OTOP1: variants seen among roughly 807,000 people sequenced by gnomAD.
OTOP1 encodes the protein otopetrin 1, also known as proton channel OTOP1.
In OTOP1, 59 loss-of-function variants were observed where a neutral mutation model predicts 52.9. The ratio of observed to expected loss-of-function variants is 1.12; its 90% CI spans 0.91 to 1.39. The LOEUF (loss-of-function observed/expected upper bound fraction) is 1.39, where lower values mean the gene tolerates loss of function less well. Among genes scored for constraint, OTOP1 ranks in the 40% most tolerant of loss-of-function variants. OTOP1 has a pLI of 0.00. For missense variants in OTOP1, 761 were observed against 800.9 expected, an observed-to-expected ratio of 0.95 and a Z score of 0.60; for synonymous variants, 317 against 337.7, an observed-to-expected ratio of 0.94 and a Z score of 0.67.
intron 3 of OTOP1, among the ~76,000 whole-genome samples, chr4:4,203,706 T>C (rs941859459): frequency 1.3e-5 from 2 of 152,238 alleles, no homozygotes; most frequent in African/African-American, 4.8e-5. Flanking sequence ...CTTAGCAATG[T>C]GCCTCACAGG....
chr4:4,209,090 A>G (rs1278117421), intron 2 of OTOP1, among the ~76,000 whole-genome samples: 1 of 152,186 alleles, frequency 6.6e-6, no homozygotes, highest in Non-Finnish European at 1.5e-5. Context: ...ATGTCTAGTA[A>G]TGTCTAGCCT....
At chr4:4,212,711 T>A (rs970057425) in intron 2 of OTOP1, among the ~76,000 whole-genome samples, 157 bp downstream of exon 2, 2 of 152,222 alleles carry the variant, frequency 1.3e-5, no homozygotes, top group Non-Finnish European at 2.9e-5. Context: ...TGGAGGCAGC[T>A]GAAGAACTAA....
At chr4:4,195,122 G>A (rs1353983571) in intron 5 of OTOP1, among the ~76,000 whole-genome samples, 3 of 152,082 alleles carry the variant, frequency 2.0e-5, no homozygotes, top group Non-Finnish European at 4.4e-5. Context: ...CTCTAGCCAG[G>A]CCTAGGAAGC....
At chr4:4,201,461 T>TACAC (rs1167229533) in intron 4 of OTOP1, among the ~76,000 whole-genome samples, 5 of 132,782 alleles carry the variant, frequency 3.8e-5, no homozygotes, top group African/African-American at 1.6e-4. Flanking sequence ...AATAAATAAA[T>TACAC]ATATATATAT....
intron 1 of OTOP1, among the ~76,000 whole-genome samples, chr4:4,222,197 C>A (rs995175764): frequency 2.6e-5 from 4 of 152,052 alleles, no homozygotes; most frequent in Non-Finnish European, 5.9e-5. Context: ...CTGAATAATA[C>A]AATCTCCTGC....
At position 4,210,558 on chromosome 4, in the gene OTOP1, C is replaced by T. The variant is rs188225064; in HGVS notation, c.540+2310G>A. Among the ~76,000 whole-genome samples the T allele has an allele frequency of 6.4e-3, 970 of 152,246 alleles. 8 individuals are homozygous for T. Among genetic ancestry groups the T allele is most frequent in the African/African-American group, 0.022 (926 of 41,528 alleles). ...CTTATAAAGACACCAGGGCCAGACG[C>T]GGTGCCTCAGGCCTGTAATCCCAAT... On this transcript the variant is annotated intron_variant, in intron 2 of 5. Coordinates refer to ENST00000296358, the MANE Select transcript of OTOP1 (RefSeq NM_177998.3).
chr4:4,192,980 C>A (rs2980115), intron 5 of OTOP1, among the ~76,000 whole-genome samples: 1 of 151,994 alleles, frequency 6.6e-6, no homozygotes, highest in African/African-American at 2.4e-5. Flanking sequence ...ACAATGTGAA[C>A]GTACTTTACT....
rs140857732 is a variant in OTOP1 at position 4,197,603 on chromosome 4, C to T, written c.1231G>A (p.Ala411Thr). The T allele has an allele frequency of 3.1e-6, 5 of 1,613,734 alleles. No individual in the cohort carries two copies. In the African/African-American group the frequency reaches 4.0e-5, roughly 13 times the overall value. The change falls in exon 5 of 6, where the codon GCC becomes ACC. Residue 411 changes from alanine to threonine, a missense_variant. By Grantham distance (58) the Ala-to-Thr change is moderately conservative. Transcript: ENST00000296358. ...GGGTGGCCCTCAGCACAGAGGATGGCCAAGATTGAGCCCCAGGAGATAAGC... is the reference window on the plus strand; with the variant it reads ...GGGTGGCCCTCAGCACAGAGGATGGTCAAGATTGAGCCCCAGGAGATAAGC... ...SWLISWGSILAILCAEGHPRY... is the reference protein window; with the variant it reads ...SWLISWGSILTILCAEGHPRY...
chr4:4,199,233 T>TGAGAGAGAGAGAGAGAGA (rs71600542), intron 4 of OTOP1, among the ~76,000 whole-genome samples: 2 of 98,498 alleles, frequency 2.0e-5, no homozygotes, highest in African/African-American at 4.4e-5. Context: ...TGTGTGTGTG[T>TGAGAGAGAGAGAGAGAGA]GAGAGAGAGA....
At chr4:4,219,995 G>GTATACA (rs1717253114) in intron 1 of OTOP1, among the ~76,000 whole-genome samples, 2 of 54,562 alleles carry the variant, frequency 3.7e-5, no homozygotes, top group African/African-American at 2.3e-4. Flanking sequence ...GTATATAGGT[G>GTATACA]TATATACATA....
rs112623841 is a variant in OTOP1, at chr4:4,197,221, GCGTTGC to G, written c.1607_1612del (p.Gly536_Asn537del). The G allele has an allele frequency of 0.063, 102,146 of 1,613,788 alleles. 4,437 individuals carry two copies. The highest frequency in any genetic ancestry group is 0.2 in the Admixed American group (11,951 of 60,000). On this transcript the variant is annotated inframe_deletion, in exon 5 of 6. Coordinates refer to ENST00000296358, the MANE Select transcript of OTOP1 (RefSeq NM_177998.3). Reference sequence around the variant, plus strand: ...AATATTCCTCAGGACTTTTCTCTTGGCGTTGCCCTGTAAGAAACGGGGAAGGCGGAC... The same window carrying G: ...AATATTCCTCAGGACTTTTCTCTTGGCCTGTAAGAAACGGGGAAGGCGGAC...
In OTOP1 at chr4:4,223,598, G is replaced by A. The variant is rs543248757; in HGVS notation, c.403+2864C>T. Among the ~76,000 whole-genome samples the A allele has an allele frequency of 1.1e-4, 16 of 152,160 alleles. No homozygotes were observed. The East Asian group carries it at 3.1e-3, about 29-fold the overall frequency. On this transcript the variant is annotated intron_variant, in intron 1 of 5. Coordinates refer to ENST00000296358, the MANE Select transcript of OTOP1 (RefSeq NM_177998.3). The stretch of plus-strand genomic sequence containing the variant: ...AGGAGCAGAAGGAGAAGGAGAAGGA[G>A]GAACATTCTAAATGCACCAGGCCGG...
intron 5 of OTOP1, among the ~76,000 whole-genome samples, chr4:4,191,971 C>A (rs1577173546): frequency 6.6e-6 from 1 of 152,304 alleles, no homozygotes; most frequent in Non-Finnish European, 1.5e-5. Flanking sequence ...AATGGGACCT[C>A]TTTTCTGAAA....
chr4:4,221,033 TTATTTTATTC>T (rs1411906431), intron 1 of OTOP1, among the ~76,000 whole-genome samples: 6 of 146,840 alleles, frequency 4.1e-5, no homozygotes, highest in African/African-American at 1.0e-4. Flanking sequence ...TATTTATATA[TTATTTTATTC>T]TATTTTATTT....
chr4:4,205,825 G>C (rs1440966684), intron 3 of OTOP1, among the ~76,000 whole-genome samples: 3 of 152,166 alleles, frequency 2.0e-5, no homozygotes, highest in African/African-American at 7.2e-5. Flanking sequence ...GGTCATAACA[G>C]AAAAGTGTCT....
chr4:4,200,509 A>G (rs931163670), intron 4 of OTOP1, among the ~76,000 whole-genome samples: 3 of 150,358 alleles, frequency 2.0e-5, no homozygotes, highest in African/African-American at 7.3e-5. Flanking sequence ...ACTATATCGT[A>G]GCATTAATTT....
In OTOP1 at chr4:4,188,740, C is replaced by T; in HGVS notation, c.*63G>A. On this transcript the variant is annotated 3_prime_UTR_variant, in exon 6 of 6. Coordinates refer to ENST00000296358, the MANE Select transcript of OTOP1 (RefSeq NM_177998.3). ...GTCAGGCAATATTTGCCCAACCTGG[C>T]CACTCCTAGTTGGCTCCAATGAACT... is the stretch of plus-strand genomic sequence containing the variant. The T allele has an allele frequency of 7.0e-7, 1 of 1,431,048 alleles. No homozygotes were observed. The highest frequency in any genetic ancestry group is 9.3e-7 in the Non-Finnish European group (1 of 1,075,044). The allele number at this position is 1,431,048 out of a possible 1,614,324, so 88.6% of individuals were successfully genotyped here.
In OTOP1 at chr4:4,226,830, C is replaced by G. The variant is rs1164412564; in HGVS notation, c.35G>C (p.Arg12Pro). 2.2e-6 allele frequency: 3 copies of G among 1,347,722 alleles called. No homozygotes were observed. In the South Asian group the frequency reaches 5.5e-5, roughly 25 times the overall value. 83.5% of individuals were successfully genotyped at this position (1,347,722 alleles called of 1,614,324 possible). ...LEGLGSPASP[R>P]AAASASVAGS... ...TGCGACCGAGGCGCTTGCAGCTGCCCGGGGCGAGGCGGGCGACCCCAGGCC... is the reference window on the plus strand; with the variant it reads ...TGCGACCGAGGCGCTTGCAGCTGCCGGGGGCGAGGCGGGCGACCCCAGGCC... The change falls in exon 1 of 6, where the codon CGG becomes CCG. Residue 12 changes from arginine (R) to proline (P), a missense_variant. This residue lies in a region of OTOP1 where 73 missense variants were observed against 75.7 expected (regional missense o/e 0.96). Transcript: ENST00000296358.
chr4:4,214,991 T>C (rs13128349), intron 1 of OTOP1, among the ~76,000 whole-genome samples: 29,807 of 152,122 alleles, frequency 0.2, 3,517 homozygotes, highest in Middle Eastern at 0.33. Flanking sequence ...ATTAATAAAA[T>C]AAATTCTAGC....
Sources: allele counts gnomAD v4.1 joint callset (sites outside exome capture counted in the v4.1 genomes callset), GRCh38; gene constraint gnomAD v4.1.1; regional missense constraint gnomAD v4.1.1; transcripts MANE v1.5; gene names NCBI Gene and HGNC (gene_info 2026-07-23, HGNC 2026-07-21).